The following SOX5 variants were observed in gnomAD, a reference collection of about 807,000 sequenced individuals.
The protein encoded by SOX5 is transcription factor SOX-5.
Under a neutral mutation model 92.0 loss-of-function variants are expected in SOX5, and 9 were observed. The observed-to-expected ratio is 0.10, with a 90% CI of 0.06 to 0.17. The LOEUF (loss-of-function observed/expected upper bound fraction) is 0.17. Ranked by LOEUF, SOX5 falls within the 10% of genes least tolerant of loss-of-function variation. The pLI, the probability that SOX5 is intolerant of heterozygous loss-of-function variation, is 1.00. For missense variants in SOX5, 642 were observed against 944.5 expected (o/e 0.68, Z 4.20); for synonymous variants, 344 against 336.3 (o/e 1.02, Z -0.25).
intron 4 of SOX5, among the ~76,000 whole-genome samples, chr12:24,166,004 T>C (rs1953363807): frequency 6.6e-6 from 1 of 152,014 alleles, no homozygotes; most frequent in Non-Finnish European, 1.5e-5. Flanking sequence ...TTTAAAGAGA[T>C]AGTACAATAA....
In SOX5 at chr12:23,758,008, C is replaced by CAAA. The variant is rs34841595; in HGVS notation, c.482-2287_482-2285dup. 1.4e-3 allele frequency among the ~76,000 whole-genome samples: 96 copies of CAAA among 68,248 alleles called. 7 individuals are homozygous for CAAA. Among genetic ancestry groups the CAAA allele is most frequent in the African/African-American group, 5.7e-3 (83 of 14,458 alleles). 44.8% of individuals were successfully genotyped at this position (68,248 alleles called of 152,430 possible). ...GTACTTGACTTTTAAGCACACACTA[C>CAAA]AAAAAAAAAAAAAAAAAAAAAAAAA... On this transcript the variant is annotated intron_variant, in intron 3 of 14. Transcript: ENST00000451604.
At chr12:24,104,287 T>C (rs1946424333) in intron 4 of SOX5, among the ~76,000 whole-genome samples, 1 of 152,154 alleles carries the variant, frequency 6.6e-6, no homozygotes, top group Non-Finnish European at 1.5e-5. Context: ...TAATATTAGG[T>C]TCAATTATTT....
intron 1 of SOX5, among the ~76,000 whole-genome samples, chr12:24,471,706 G>A (rs185309327): frequency 6.6e-6 from 1 of 152,278 alleles, no homozygotes; most frequent in Admixed American, 6.5e-5. Context: ...GTTACTAATG[G>A]AGCAAGTAAG....
chr12:23,586,508 C>T (rs1478245754), intron 9 of SOX5, among the ~76,000 whole-genome samples: 2 of 152,004 alleles, frequency 1.3e-5, no homozygotes, highest in African/African-American at 2.4e-5. Flanking sequence ...CATTTCATTT[C>T]GTTCGGATTA....
intron 4 of SOX5, among the ~76,000 whole-genome samples, chr12:24,169,844 A>AT (rs560112055): frequency 4.5e-4 from 69 of 152,262 alleles, no homozygotes; most frequent in Non-Finnish European, 8.5e-4. Context: ...GATCTGACTG[A>AT]TCTAAGCTAT....
At chr12:24,516,303 T>C (rs1278227990) in intron 1 of SOX5, among the ~76,000 whole-genome samples, 1 of 152,080 alleles carries the variant, frequency 6.6e-6, no homozygotes, top group East Asian at 1.9e-4. Flanking sequence ...CCACCATAGC[T>C]TCCCAGAGTG....
rs567956182 is a variant in SOX5, at chr12:23,695,858, G to A, written c.811-30294C>T. 1.1e-3 allele frequency among the ~76,000 whole-genome samples: 152 copies of A among 144,578 alleles called. No individual in the cohort carries two copies. The Middle Eastern group carries it at 0.018, about 17-fold the overall frequency. 94.8% of individuals were successfully genotyped at this position (144,578 alleles called of 152,430 possible). A position where few individuals can be genotyped will look rare whatever the true frequency, so the allele number is the denominator to read the frequency against. On this transcript the variant is annotated intron_variant, in intron 6 of 14. Coordinates refer to ENST00000451604, the MANE Select transcript of SOX5 (RefSeq NM_006940.6). ...CGAGAGGCTGAGGCAGGAGAATGGC[G>A]TGAACCTGGGAGGCAGAGCTTGCAG...
chr12:23,721,709 C>T (rs1035044245), intron 6 of SOX5, among the ~76,000 whole-genome samples: 9 of 152,132 alleles, frequency 5.9e-5, no homozygotes, highest in African/African-American at 1.9e-4. Context: ...AATTCTATGG[C>T]ATGAGAGGAG....
chr12:24,354,616 G>A (rs1954562917), intron 2 of SOX5, among the ~76,000 whole-genome samples: 1 of 152,210 alleles, frequency 6.6e-6, no homozygotes, highest in Non-Finnish European at 1.5e-5. Context: ...CAGGATGAAT[G>A]GTGATGGAGA....
intron 11 of SOX5, among the ~76,000 whole-genome samples, chr12:23,547,019 A>G (rs1326451767): frequency 6.6e-6 from 1 of 152,176 alleles, no homozygotes; most frequent in Non-Finnish European, 1.5e-5. Context: ...TGGATTGCTA[A>G]GCCAAAATAT....
chr12:23,898,432 A>G (rs2097198845), intron 1 of SOX5, among the ~76,000 whole-genome samples: 1 of 152,178 alleles, frequency 6.6e-6, no homozygotes, highest in Admixed American at 6.5e-5. Flanking sequence ...GAAAGCAGAA[A>G]GCAAGATCAG....
intron 4 of SOX5, among the ~76,000 whole-genome samples, chr12:24,137,826 G>C (rs1235495825): frequency 2.0e-5 from 3 of 152,188 alleles, no homozygotes; most frequent in African/African-American, 4.8e-5. Flanking sequence ...AAAAAGACAC[G>C]TAAAGTTCAA....
At chr12:24,108,415 T>A (rs991502834) in intron 4 of SOX5, among the ~76,000 whole-genome samples, 2 of 152,184 alleles carry the variant, frequency 1.3e-5, no homozygotes, top group African/African-American at 4.8e-5. Flanking sequence ...TTATTTTCAA[T>A]AAATTAAGCA....
intron 10 of SOX5, among the ~76,000 whole-genome samples, chr12:23,570,922 AAAAAAAAAAT>A (rs1948120008): frequency 4.6e-5 from 2 of 43,150 alleles, no homozygotes; most frequent in African/African-American, 1.7e-4. Flanking sequence ...AAAAAAAAAA[AAAAAAAAAAT>A]ATATATATAT....
intron 1 of SOX5, among the ~76,000 whole-genome samples, chr12:24,372,116 T>C (rs986922349): frequency 9.9e-5 from 15 of 152,172 alleles, no homozygotes; most frequent in African/African-American, 3.6e-4. Context: ...AAGGTGAAAG[T>C]AAGTGGTAAC....
chr12:24,371,346 C>A (rs1484505906), intron 1 of SOX5, among the ~76,000 whole-genome samples: 1 of 152,188 alleles, frequency 6.6e-6, no homozygotes, highest in Non-Finnish European at 1.5e-5. Flanking sequence ...ATTTTTCCCC[C>A]CCAGGGCTAC....
intron 4 of SOX5, among the ~76,000 whole-genome samples, chr12:24,101,634 C>T (rs1946106645): frequency 6.6e-6 from 1 of 152,012 alleles, no homozygotes; most frequent in Non-Finnish European, 1.5e-5. Flanking sequence ...CAAAATTCAC[C>T]AGCAGAAAAA....
At chr12:24,407,624 G>A (rs970818327) in intron 1 of SOX5, 11 of 152,164 alleles carry the variant, frequency 7.2e-5, no homozygotes, top group Non-Finnish European at 1.6e-4. Context: ...ACGGAGATGG[G>A]GTTGACTGTC....
At chr12:24,502,460 G>A (rs1299089385) in intron 1 of SOX5, among the ~76,000 whole-genome samples, 3 of 152,068 alleles carry the variant, frequency 2.0e-5, no homozygotes, top group Non-Finnish European at 4.4e-5. Flanking sequence ...TACATTGATG[G>A]AATATAACCT....
Sources: allele counts gnomAD v4.1 joint callset (sites outside exome capture counted in the v4.1 genomes callset), GRCh38; gene constraint gnomAD v4.1.1; transcripts MANE v1.5; gene names NCBI Gene and HGNC (gene_info 2026-07-23, HGNC 2026-07-21).